The following MSH6 variants were observed in gnomAD, a reference collection of about 807,000 sequenced individuals.
MSH6 encodes the protein DNA mismatch repair protein Msh6.
In MSH6, 85 loss-of-function variants were observed where a neutral mutation model predicts 119.1. That is an observed-to-expected ratio of 0.71 (90% CI 0.60 to 0.85). The LOEUF is 0.85. MSH6 is among the 40% of genes least tolerant of loss of function. The pLI is 0.00. For missense variants in MSH6, 2,163 were observed against 1,655.3 expected (o/e 1.31, Z -5.32); for synonymous variants, 830 against 586.9 (o/e 1.41, Z -5.99).
rs764150912 is a variant in MSH6 at position 47,799,110 on chromosome 2, A to G, written c.1127A>G (p.Glu376Gly). The G allele has an allele frequency of 7.4e-6, 12 of 1,614,056 alleles. No individual in the cohort carries two copies. The Admixed American group carries it at 1.0e-4, about 13-fold the overall frequency. ...GAAACTTTAGAATGGCTTAAGGAGG[A>G]AAAGAGAAGAGATGAGCACAGGAGG... ...YHETLEWLKE[E>G]KRRDEHRRRP... Residue 376 changes from glutamate (E) to glycine (G), a missense_variant, in exon 4 of 10, where the codon GAA becomes GGA. By Grantham distance (98) the Glu-to-Gly change is moderately conservative. Transcript: ENST00000234420.
chr2:47,808,282 G>C (rs1323154333), downstream of MSH6: 3 of 1,612,532 alleles, frequency 1.9e-6, no homozygotes. Context: ...TTAGAAAAGT[G>C]AGGGGGAAAG....
chr2:47,808,938 CCTCCCACTTCAGCCT>C (rs1218587453), downstream of MSH6: 6 of 402,800 alleles, frequency 1.5e-5, no homozygotes, highest in African/African-American at 6.3e-5. Context: ...CTCCAGTGAT[CCTCCCACTTCAGCCT>C]CCCAAAGTGC....
At chr2:47,804,834 G>A (rs960178862) in intron 5 of MSH6, 76 bp from the exon 6 acceptor site, 4 of 1,080,572 alleles carry the variant, frequency 3.7e-6, no homozygotes, top group African/African-American at 1.5e-5. Flanking sequence ...TCTTACGTAA[G>A]GGTTCATAAG....
In MSH6 at chr2:47,795,139, C is replaced by G. The variant is rs543366228; in HGVS notation, c.458-755C>G. 6.6e-5 allele frequency among the ~76,000 whole-genome samples: 10 copies of G among 152,204 alleles called. No individual in the cohort carries two copies. In the South Asian group the frequency reaches 1.7e-3, roughly 25 times the overall value. On this transcript the variant is annotated intron_variant, in intron 2 of 9. Transcript: ENST00000234420. ...CTCAAACCTCTTTTAAATCGTCTGC[C>G]TCACTTGAAGAGGTATGCCCTACCT...
chr2:47,798,059 G>T (rs1171216247), intron 3 of MSH6: 2 of 211,504 alleles, frequency 9.5e-6, no homozygotes, highest in African/African-American at 2.3e-5. Context: ...ACTTTGTGGG[G>T]TTGGTGTCTG....
At position 47,804,995 on chromosome 2, in the gene MSH6, C is replaced by A. The variant is rs369583604; in HGVS notation, c.3524C>A (p.Thr1175Asn). The change falls in exon 6 of 10, where the codon ACT (threonine) becomes AAT (asparagine). Residue 1175 changes from threonine to asparagine, a missense_variant. Coordinates refer to ENST00000234420, the MANE Select transcript of MSH6 (RefSeq NM_000179.3). The part of the protein sequence containing the change: ...CRLTPIDRVF[T>N]RLGASDRIMS... ...CTCACACCAATTGATAGAGTGTTTACTAGACTTGGTGCCTCAGACAGAATA... is the reference window on the plus strand; with the variant it reads ...CTCACACCAATTGATAGAGTGTTTAATAGACTTGGTGCCTCAGACAGAATA... The A allele has an allele frequency of 6.2e-7, 1 of 1,613,944 alleles. No individual in the cohort carries two copies. The highest frequency in any genetic ancestry group is 8.5e-7 in the Non-Finnish European group (1 of 1,179,860).
rs56340593 is a variant in MSH6 at position 47,805,086 on chromosome 2, A to G, written c.3556+59A>G. 169 of 1,167,570 alleles carry G rather than the reference A, an allele frequency of 1.4e-4. 1 individual carries two copies. In the African/African-American group the frequency reaches 1.8e-3, roughly 12 times the overall value. The allele number at this position is 1,167,570 out of a possible 1,614,324, so 72.3% of individuals were successfully genotyped here. Reference sequence around the variant, plus strand: ...CAGTCATTTAGATGTGATAAAAGATATTTGCTTCTTGTATATGAGCCTTTT... The same window carrying G: ...CAGTCATTTAGATGTGATAAAAGATGTTTGCTTCTTGTATATGAGCCTTTT... On this transcript the variant is annotated intron_variant, in intron 6 of 9. Transcript: ENST00000234420.
intron 6 of MSH6, 33 bp from the exon 7 acceptor site, chr2:47,805,585 T>C (rs1393024809): frequency 7.1e-7 from 1 of 1,402,916 alleles, no homozygotes; most frequent in African/African-American, 1.4e-5. Flanking sequence ...ATTTGCAAAA[T>C]GAGTATTCAT....
downstream of MSH6, chr2:47,810,048 G>A (rs1670508991): frequency 6.1e-6 from 3 of 494,472 alleles, no homozygotes; most frequent in South Asian, 3.2e-5. Flanking sequence ...TGTATTCCTA[G>A]TGGTAATACA....
Position 47,806,452 on chromosome 2 carries a change from G to T in MSH6, c.3802G>T (p.Ala1268Ser), listed in dbSNP as rs2104550959. 6.2e-7 allele frequency: 1 copy of T among 1,613,934 alleles called. No individual in the cohort carries two copies. The highest frequency in any genetic ancestry group is 8.5e-7 in the Non-Finnish European group (1 of 1,179,946). ...ATCGCTAATATTTTTCTTTCTTAAG[G>T]CATGCATGGTAGAAAATGAATGTGA... is the stretch of plus-strand genomic sequence containing the variant. ...QNVAVRLGHM[A>S]CMVENECEDP... Residue 1268 changes from alanine (A) to serine (S), a missense_variant and splice_region_variant, in exon 9 of 10, where the codon GCA becomes TCA. Transcript: ENST00000234420.
chr2:47,793,318 CAAAAAAAAA>C (rs34250836), intron 2 of MSH6, among the ~76,000 whole-genome samples: 73 of 48,806 alleles, frequency 1.5e-3, no homozygotes, highest in African/African-American at 5.5e-3. Flanking sequence ...GAGACTGTCT[CAAAAAAAAA>C]AAAAAAAAAA....
intron 6 of MSH6, among the ~76,000 whole-genome samples, 154 bp downstream of exon 6, chr2:47,805,181 CTCT>C (rs1003253520): frequency 6.7e-6 from 1 of 148,342 alleles, no homozygotes; most frequent in African/African-American, 2.6e-5. Flanking sequence ...TAGTCTCTCT[CTCT>C]TTTTTTTTTT....
chr2:47,801,933 C>T lies in MSH6; in HGVS notation c.3172+778C>T, dbSNP rs371285996. 9.9e-5 allele frequency among the ~76,000 whole-genome samples: 15 copies of T among 152,140 alleles called. No individual in the cohort carries two copies. The East Asian group carries it at 1.5e-3, about 16-fold the overall frequency. ...TGCTGGGATTACAGGCATGAGCCAC[C>T]GCTCCCGGCCCAAAAGATTTTTAAA... On this transcript the variant is annotated intron_variant, in intron 4 of 9. Transcript: ENST00000234420.
intron 1 of MSH6, among the ~76,000 whole-genome samples, chr2:47,790,160 G>A (rs368690010): frequency 1.3e-5 from 2 of 152,120 alleles, no homozygotes; most frequent in East Asian, 1.9e-4. Context: ...GGTGGCTCAC[G>A]CCTGTAATCC....
chr2:47,803,340 T>C lies in MSH6; in HGVS notation c.3173-80T>C, dbSNP rs1008962040. The C allele has an allele frequency of 8.9e-6, 14 of 1,566,522 alleles. No homozygotes were observed. The Middle Eastern group carries it at 5.0e-4, about 56-fold the overall frequency. Reference sequence around the variant, plus strand: ...TTATGTCTTATAATGAAATGTGTTATATAAAGAAGACCTATAAAACACTTA... The same window carrying C: ...TTATGTCTTATAATGAAATGTGTTACATAAAGAAGACCTATAAAACACTTA... On this transcript the variant is annotated intron_variant, in intron 4 of 9. Coordinates refer to ENST00000234420, the MANE Select transcript of MSH6 (RefSeq NM_000179.3).
downstream of MSH6, chr2:47,809,501 A>C: frequency 1.1e-6 from 1 of 879,926 alleles, no homozygotes; most frequent in Non-Finnish European, 1.8e-6. Flanking sequence ...ACTGTTGCTA[A>C]CTTGGAGAGT....
At chr2:47,803,117 C>T (rs1178406341) in intron 4 of MSH6, among the ~76,000 whole-genome samples, 2 of 152,074 alleles carry the variant, frequency 1.3e-5, no homozygotes, top group Non-Finnish European at 2.9e-5. Context: ...GAGGTTTCAC[C>T]ATGTTGGTCA....
intron 2 of MSH6, among the ~76,000 whole-genome samples, chr2:47,792,531 A>T (rs1400722282): frequency 1.3e-5 from 2 of 152,128 alleles, no homozygotes. Context: ...TTTAAAAGAA[A>T]TAGAGACACA....
At chr2:47,788,318 G>A (rs1307815582) in intron 1 of MSH6, among the ~76,000 whole-genome samples, 2 of 129,820 alleles carry the variant, frequency 1.5e-5, no homozygotes, top group African/African-American at 2.9e-5. Context: ...GCAGTGGCAC[G>A]ATCTCGGCTT....
Sources: gnomAD v4.1 joint callset for allele counts (sites outside exome capture counted in the v4.1 genomes callset) on GRCh38, gnomAD v4.1.1 for gene constraint, MANE v1.5 for transcripts, NCBI Gene and HGNC (gene_info 2026-07-23, HGNC 2026-07-21) for gene names.